Variants in HDAC4 observed in about 807,000 individuals in gnomAD.
HDAC4 encodes histone deacetylase A.
A neutral mutation model predicts 135.1 loss-of-function variants in HDAC4; 16 were observed. The ratio of observed to expected loss-of-function variants is 0.12; its 90% confidence interval spans 0.08 to 0.18. The LOEUF (loss-of-function observed/expected upper bound fraction) is 0.18, where lower values mean the gene tolerates loss of function less well. Among genes scored for constraint, HDAC4 ranks in the 10% least tolerant of loss-of-function variants. The pLI is 1.00. For synonymous variants in HDAC4, 685 were observed against 653.4 expected, an observed-to-expected ratio of 1.05 and a Z score of -0.74; for missense variants, 1,143 against 1,511.8, an observed-to-expected ratio of 0.76 and a Z score of 4.05.
chr2:239,137,066 G>A (rs1190352443), intron 9 of HDAC4, among the ~76,000 whole-genome samples: 2 of 152,154 alleles, frequency 1.3e-5, no homozygotes, highest in African/African-American at 2.4e-5. Flanking sequence ...ATAAGGAGAC[G>A]TTCTAATGTT....
At chr2:239,298,844 C>T (rs1356088774) in intron 2 of HDAC4, among the ~76,000 whole-genome samples, 1 of 151,194 alleles carries the variant, frequency 6.6e-6, no homozygotes, top group African/African-American at 2.4e-5. Flanking sequence ...CCGGAAGCAA[C>T]CCTTCATGGC....
Position 239,146,667 on chromosome 2 carries a change from G to C in HDAC4, c.734-1953C>G, listed in dbSNP as rs1223067090. 6.6e-6 allele frequency among the ~76,000 whole-genome samples: 1 copy of C among 151,894 alleles called. No individual in the cohort carries two copies. The highest frequency in any genetic ancestry group is 1.5e-5 in the Non-Finnish European group (1 of 67,940). On this transcript the variant is annotated intron_variant, in intron 7 of 26. Coordinates refer to ENST00000543185, the MANE Select transcript of HDAC4 (RefSeq NM_001378414.1). This position sits in a 1 kb window ranked among gnomAD's most constrained non-coding sequence, Gnocchi z 4.5. ...TTTGTGCAAGAGACTCTTGAGGAGAGTCCCATGGTGGCTGCTTCACCCCAC... is the reference window on the plus strand; with the variant it reads ...TTTGTGCAAGAGACTCTTGAGGAGACTCCCATGGTGGCTGCTTCACCCCAC...
chr2:239,283,848 A>C (rs1194197198), intron 2 of HDAC4, among the ~76,000 whole-genome samples: 1 of 152,194 alleles, frequency 6.6e-6, no homozygotes, highest in Non-Finnish European at 1.5e-5. Flanking sequence ...GAAAAGCAAA[A>C]TACATTTGCT....
chr2:239,243,652 A>G (rs1320763417), intron 2 of HDAC4, among the ~76,000 whole-genome samples: 2 of 152,132 alleles, frequency 1.3e-5, no homozygotes, highest in African/African-American at 4.8e-5. Flanking sequence ...CATTGCAGCC[A>G]ATCTCCCCAT....
rs371906205 is a variant in HDAC4, at chr2:239,293,662, AC to A, written c.23-56999del. ...CACCTCCAGGCTTCCTGCAGTGGCT[AC>A]GCACAGGGCATCTCTGGGCTCTCTC... On this transcript the variant is annotated intron_variant, in intron 2 of 26. Coordinates refer to ENST00000543185, the MANE Select transcript of HDAC4 (RefSeq NM_001378414.1). Among the ~76,000 whole-genome samples the A allele has an allele frequency of 5.3e-4, 81 of 152,304 alleles. No homozygotes were observed. In the East Asian group the frequency reaches 0.014, roughly 27 times the overall value.
intron 3 of HDAC4, among the ~76,000 whole-genome samples, chr2:239,235,926 C>G (rs975629901): frequency 2.2e-4 from 33 of 152,246 alleles, no homozygotes; most frequent in African/African-American, 7.9e-4. Flanking sequence ...GTAATCCCAG[C>G]TACTTGGGGA....
chr2:239,286,316 C>A (rs1297548546), intron 2 of HDAC4, among the ~76,000 whole-genome samples: 1 of 152,058 alleles, frequency 6.6e-6, no homozygotes, highest in Non-Finnish European at 1.5e-5. Context: ...ATGATTTAAG[C>A]AATAAATGCC....
At chr2:239,087,399 C>A (rs2036079718) in intron 19 of HDAC4, among the ~76,000 whole-genome samples, 160 bp downstream of exon 19, 1 of 152,236 alleles carries the variant, frequency 6.6e-6, no homozygotes, top group Non-Finnish European at 1.5e-5. Context: ...CATCTGCACT[C>A]CACACCCAGG....
chr2:239,170,768 C>T (rs1017468438), intron 5 of HDAC4, among the ~76,000 whole-genome samples: 11 of 152,276 alleles, frequency 7.2e-5, no homozygotes, highest in Admixed American at 3.3e-4. Context: ...AAACAGGGAC[C>T]GCGGGGAGCA....
chr2:239,192,619 G>T (rs2045068549), intron 3 of HDAC4, among the ~76,000 whole-genome samples: 1 of 152,196 alleles, frequency 6.6e-6, no homozygotes, highest in Admixed American at 6.5e-5. Flanking sequence ...CACAAGCACG[G>T]CGGTGCTAAA....
At position 239,251,330 on chromosome 2, in the gene HDAC4, C is replaced by T. The variant is rs763451629; in HGVS notation, c.23-14666G>A. ...ATTCCCAGCCAGGCACAGTGGTTCA[C>T]GCCTGTAATCCCAACACTTTGGGAG... On this transcript the variant is annotated intron_variant, in intron 2 of 26. Transcript: ENST00000543185. Among the ~76,000 whole-genome samples the T allele has an allele frequency of 7.9e-5, 12 of 152,248 alleles. 1 individual carries two copies. The highest frequency in any genetic ancestry group is 3.4e-3 in the Middle Eastern group (1 of 294).
intron 2 of HDAC4, among the ~76,000 whole-genome samples, chr2:239,246,902 T>G (rs1031336734): frequency 6.6e-6 from 1 of 152,238 alleles, no homozygotes; most frequent in African/African-American, 2.4e-5. Flanking sequence ...ACTGCACAGC[T>G]GTGCTGTACA....
chr2:239,155,944 C>T (rs1007510985), intron 7 of HDAC4, among the ~76,000 whole-genome samples: 9 of 152,208 alleles, frequency 5.9e-5, no homozygotes, highest in African/African-American at 1.4e-4. Context: ...CCCTGCCCTT[C>T]TTGCTACCCC....
chr2:239,182,523 G>A (rs954130619), intron 4 of HDAC4, among the ~76,000 whole-genome samples: 1 of 152,210 alleles, frequency 6.6e-6, no homozygotes, highest in Non-Finnish European at 1.5e-5. Context: ...TGACTGTGGT[G>A]GAGTTTTAAT....
At chr2:239,332,660 TTTACC>T (rs1349275771) in intron 2 of HDAC4, among the ~76,000 whole-genome samples, 8 of 151,908 alleles carry the variant, frequency 5.3e-5, no homozygotes, top group Non-Finnish European at 8.8e-5. Flanking sequence ...GATCTAAATA[TTTACC>T]TTAATCAGTA....
intron 1 of HDAC4, among the ~76,000 whole-genome samples, chr2:239,369,351 G>A (rs1159617741): frequency 1.3e-5 from 2 of 152,284 alleles, no homozygotes; most frequent in African/African-American, 4.8e-5. Flanking sequence ...CAAGCCGACT[G>A]CCCGGCGGGG....
intron 12 of HDAC4, among the ~76,000 whole-genome samples, chr2:239,125,258 T>C (rs1405156029): frequency 1.3e-5 from 2 of 152,222 alleles, no homozygotes; most frequent in South Asian, 2.1e-4. Context: ...CTGTCCTCAC[T>C]GTAATGAGTG....
At chr2:239,142,483 G>C (rs746752881) in intron 8 of HDAC4, among the ~76,000 whole-genome samples, 3 of 152,198 alleles carry the variant, frequency 2.0e-5, no homozygotes, top group African/African-American at 7.2e-5. Context: ...CCACTCACCC[G>C]CCAAGTCCCA....
chr2:239,173,103 TA>T (rs1437054309), intron 5 of HDAC4, among the ~76,000 whole-genome samples: 1 of 152,158 alleles, frequency 6.6e-6, no homozygotes, highest in Non-Finnish European at 1.5e-5. Context: ...CCATGTTAAA[TA>T]AACTTTGCCA....
Sources: allele counts gnomAD v4.1 joint callset (sites outside exome capture counted in the v4.1 genomes callset), GRCh38; gene constraint gnomAD v4.1.1; non-coding constraint Gnocchi (gnomAD v3.1); transcripts MANE v1.5; gene names NCBI Gene and HGNC (gene_info 2026-07-23, HGNC 2026-07-21).